Variants in EEFSEC observed in about 807,000 individuals in gnomAD.
EEFSEC encodes the protein eukaryotic elongation factor, selenocysteine-tRNA specific.
Under a neutral mutation model 42.1 loss-of-function variants are expected in EEFSEC, and 43 were observed. That is an observed-to-expected ratio of 1.02 (90% CI 0.80 to 1.32). The LOEUF (loss-of-function observed/expected upper bound fraction) is 1.32, where lower values mean the gene tolerates loss of function less well. Among genes scored for constraint, EEFSEC ranks in the 40% most tolerant of loss-of-function variants. The pLI is 0.00. For missense variants in EEFSEC, 745 were observed against 803.6 expected (o/e 0.93, Z 0.88); for synonymous variants, 354 against 339.1 (o/e 1.04, Z -0.48).
At chr3:128,341,087 G>T in intron 4 of EEFSEC, 146 bp from the exon 5 acceptor site, 1 of 926,352 alleles carries the variant, frequency 1.1e-6, no homozygotes, top group Non-Finnish European at 1.6e-6. Flanking sequence ...AGAAGAGTGT[G>T]CCTGGGCCCC....
rs1026109189 is a variant in EEFSEC at position 128,272,443 on chromosome 3, CAG to C, written c.786+7663_786+7664del. 2.3e-4 allele frequency among the ~76,000 whole-genome samples: 35 copies of C among 152,272 alleles called. 1 individual carries two copies. The highest frequency in any genetic ancestry group is 7.9e-4 in the African/African-American group (33 of 41,548). On this transcript the variant is annotated intron_variant, in intron 4 of 6. Transcript: ENST00000254730. ...GGAGGAAGGATGTGACGCCTGGACTCAGGGGCTGAACGGCCACCTTACTCCCA... is the reference window on the plus strand; with the variant it reads ...GGAGGAAGGATGTGACGCCTGGACTCGGGCTGAACGGCCACCTTACTCCCA...
At chr3:128,385,155 G>T (rs997285494) in intron 6 of EEFSEC, among the ~76,000 whole-genome samples, 1 of 152,204 alleles carries the variant, frequency 6.6e-6, no homozygotes, top group Non-Finnish European at 1.5e-5. Flanking sequence ...CCACCCCAAG[G>T]TGTAGCATGC....
chr3:128,175,366 A>G (rs1314744718), intron 1 of EEFSEC, among the ~76,000 whole-genome samples: 1 of 152,152 alleles, frequency 6.6e-6, no homozygotes, highest in African/African-American at 2.4e-5. Context: ...TTGGCTAGTG[A>G]GGAATGCTGT....
intron 4 of EEFSEC, among the ~76,000 whole-genome samples, chr3:128,319,357 G>A (rs968388376): frequency 2.6e-5 from 4 of 152,206 alleles, no homozygotes; most frequent in Non-Finnish European, 2.9e-5. Context: ...AAGCCAGATC[G>A]AGAGCAGTAA....
At chr3:128,257,825 C>T (rs532468282) in intron 2 of EEFSEC, among the ~76,000 whole-genome samples, 8 of 152,234 alleles carry the variant, frequency 5.3e-5, no homozygotes, top group African/African-American at 1.2e-4. Flanking sequence ...GGCCTGTGCG[C>T]GTCAAGCTGT....
At chr3:128,221,634 G>T (rs1247847393) in intron 1 of EEFSEC, among the ~76,000 whole-genome samples, 3 of 152,182 alleles carry the variant, frequency 2.0e-5, no homozygotes, top group African/African-American at 4.8e-5. Flanking sequence ...TTGCACACAT[G>T]TGCAAGCCCC....
chr3:128,408,924 G>A (rs1321591874), downstream of EEFSEC, among the ~76,000 whole-genome samples: 1 of 152,196 alleles, frequency 6.6e-6, no homozygotes, highest in Non-Finnish European at 1.5e-5. Context: ...ATAGCAGGGT[G>A]CCTGGCCAGA....
At chr3:128,393,042 G>A (rs1428528079) in intron 6 of EEFSEC, among the ~76,000 whole-genome samples, 2 of 152,250 alleles carry the variant, frequency 1.3e-5, no homozygotes, top group Non-Finnish European at 2.9e-5. Flanking sequence ...CCATGGGAAG[G>A]AGCAGGAGGT....
At chr3:128,168,426 C>T (rs1241622800) in intron 1 of EEFSEC, among the ~76,000 whole-genome samples, 1 of 152,112 alleles carries the variant, frequency 6.6e-6, no homozygotes, top group Non-Finnish European at 1.5e-5. Flanking sequence ...ACCTGGGGCT[C>T]CATATACCAT....
At chr3:128,302,290 T>C (rs2066777740) in intron 4 of EEFSEC, among the ~76,000 whole-genome samples, 1 of 152,176 alleles carries the variant, frequency 6.6e-6, no homozygotes, top group South Asian at 2.1e-4. Context: ...AATATTAGTG[T>C]GCATTTTGCT....
At chr3:128,259,516 T>C (rs1336427918) in intron 2 of EEFSEC, among the ~76,000 whole-genome samples, 1 of 152,228 alleles carries the variant, frequency 6.6e-6, no homozygotes, top group Non-Finnish European at 1.5e-5. Flanking sequence ...TTCTCTGTAA[T>C]TGAGATAGAA....
At chr3:128,267,590 A>G (rs1380110323) in intron 4 of EEFSEC, among the ~76,000 whole-genome samples, 1 of 152,194 alleles carries the variant, frequency 6.6e-6, no homozygotes. Context: ...TGAATTGAGG[A>G]AGGAACTGTT....
At chr3:128,322,403 A>C (rs1377744660) in intron 4 of EEFSEC, among the ~76,000 whole-genome samples, 2 of 152,244 alleles carry the variant, frequency 1.3e-5, no homozygotes, top group Non-Finnish European at 2.9e-5. Flanking sequence ...ACTGCTGCCG[A>C]CATCATCATC....
intron 5 of EEFSEC, among the ~76,000 whole-genome samples, chr3:128,356,808 G>A (rs922674320): frequency 1.3e-5 from 2 of 152,048 alleles, no homozygotes; most frequent in African/African-American, 4.8e-5. Context: ...TCTTTTTAAC[G>A]TGAAACACAA....
chr3:128,259,889 A>C (rs1234827679), intron 2 of EEFSEC, among the ~76,000 whole-genome samples: 1 of 151,842 alleles, frequency 6.6e-6, no homozygotes, highest in Non-Finnish European at 1.5e-5. Context: ...GTGTATATAT[A>C]CACAACATAG....
intron 4 of EEFSEC, chr3:128,337,198 A>G (rs1304339617): frequency 6.6e-6 from 1 of 152,158 alleles, no homozygotes; most frequent in African/African-American, 2.4e-5. Context: ...CCGTGTGGCA[A>G]TGCTGTCTGC....
chr3:128,186,933 C>T (rs919172949), intron 1 of EEFSEC, among the ~76,000 whole-genome samples: 1 of 152,314 alleles, frequency 6.6e-6, no homozygotes, highest in Non-Finnish European at 1.5e-5. Flanking sequence ...ACCTTCCCAG[C>T]CTGTCTTCCT....
intron 1 of EEFSEC, among the ~76,000 whole-genome samples, chr3:128,230,712 G>T (rs1576564338): frequency 6.6e-6 from 1 of 152,146 alleles, no homozygotes; most frequent in Non-Finnish European, 1.5e-5. Context: ...GCTCAAATAG[G>T]TAAGGGCCTT....
At chr3:128,350,065 G>A (rs2067364813) in intron 5 of EEFSEC, among the ~76,000 whole-genome samples, 1 of 152,240 alleles carries the variant, frequency 6.6e-6, no homozygotes. Context: ...TTAGGGCTGG[G>A]CCACAGGAGC....
Sources: gnomAD v4.1 joint callset for allele counts (sites outside exome capture counted in the v4.1 genomes callset) on GRCh38, gnomAD v4.1.1 for gene constraint, MANE v1.5 for transcripts, NCBI Gene and HGNC (gene_info 2026-07-23, HGNC 2026-07-21) for gene names.